The following LEO1 variants were observed in gnomAD, a reference collection of about 807,000 sequenced individuals.
LEO1 encodes the protein RNA polymerase-associated protein LEO1.
Under a neutral mutation model 80.4 loss-of-function variants are expected in LEO1, and 34 were observed. That is an observed-to-expected ratio of 0.42 (90% CI 0.32 to 0.56). The LOEUF (loss-of-function observed/expected upper bound fraction) is 0.56, where lower values mean the gene tolerates loss of function less well. Among genes scored for constraint, LEO1 ranks in the 20% least tolerant of loss-of-function variants. The probability of loss-of-function intolerance (pLI) is 0.10; values close to 1 mark genes in which losing one functional copy is unlikely to be tolerated. For missense variants in LEO1, 631 were observed against 814.2 expected (o/e 0.77, Z 2.74); for synonymous variants, 262 against 274.9 (o/e 0.95, Z 0.46).
At chr15:51,945,260 T>TAGAAAAAAAAA (rs1188931644) in intron 11 of LEO1, among the ~76,000 whole-genome samples, 1 of 18,118 alleles carries the variant, frequency 5.5e-5, no homozygotes, top group Non-Finnish European at 8.8e-5. Flanking sequence ...CTACAAAAAA[T>TAGAAAAAAAAA]ACAAAAAAAA....
chr15:51,946,251 G>A (rs191905085), intron 11 of LEO1, among the ~76,000 whole-genome samples: 25 of 152,108 alleles, frequency 1.6e-4, no homozygotes, highest in African/African-American at 2.4e-4. Context: ...GCACAATGGC[G>A]CGATCTCGGC....
At chr15:51,966,680 G>C (rs2057080691) in intron 1 of LEO1, among the ~76,000 whole-genome samples, 176 bp from the exon 2 acceptor site, 1 of 152,180 alleles carries the variant, frequency 6.6e-6, no homozygotes, top group African/African-American at 2.4e-5. Context: ...GGAAGCCGAG[G>C]CAGGCAGATC....
intron 10 of LEO1, among the ~76,000 whole-genome samples, chr15:51,949,394 C>T (rs560183456): frequency 3.3e-5 from 5 of 151,938 alleles, no homozygotes; most frequent in Non-Finnish European, 5.9e-5. Context: ...CATGACAACT[C>T]GTTCTTTAAA....
At chr15:51,971,300 C>T (rs571041797) in intron 1 of LEO1, among the ~76,000 whole-genome samples, 2 of 152,328 alleles carry the variant, frequency 1.3e-5, no homozygotes, top group South Asian at 4.1e-4. Flanking sequence ...CCCACCCCAT[C>T]CCATATTCCT....
At chr15:51,971,573 G>T in intron 1 of LEO1, 115 bp downstream of exon 1, 2 of 1,019,534 alleles carry the variant, frequency 2.0e-6, no homozygotes, top group Non-Finnish European at 3.1e-6. Flanking sequence ...GGGCGCTGAG[G>T]CAGGAGTGGA....
intron 6 of LEO1, among the ~76,000 whole-genome samples, chr15:51,956,151 C>T (rs2056987281): frequency 6.6e-6 from 1 of 152,136 alleles, no homozygotes; most frequent in Admixed American, 6.5e-5. Context: ...GGGTGCAGGG[C>T]TCACACCTGT....
intron 7 of LEO1, among the ~76,000 whole-genome samples, chr15:51,953,899 T>C (rs1038799318): frequency 3.3e-5 from 5 of 151,206 alleles, no homozygotes; most frequent in African/African-American, 1.2e-4. Context: ...AAGACCAGCC[T>C]AAGCAACATA....
intron 5 of LEO1, among the ~76,000 whole-genome samples, chr15:51,959,372 T>C (rs2057013094): frequency 6.6e-6 from 1 of 152,174 alleles, no homozygotes. Flanking sequence ...CAAGGGTAAA[T>C]ATTCAAAATA....
At chr15:51,960,201 A>T (rs2057019391) in intron 4 of LEO1, among the ~76,000 whole-genome samples, 157 bp from the exon 5 acceptor site, 1 of 152,186 alleles carries the variant, frequency 6.6e-6, no homozygotes, top group South Asian at 2.1e-4. Context: ...ACCTACACAC[A>T]AAATGGGAAA....
At position 51,968,290 on chromosome 15, in the gene LEO1, C is replaced by CT. The variant is rs1215565531; in HGVS notation, c.59-1787dup. Among the ~76,000 whole-genome samples the CT allele has an allele frequency of 3.3e-5, 5 of 152,272 alleles. No homozygotes were observed. In the East Asian group the frequency reaches 9.6e-4, roughly 29 times the overall value. ...GGGTGCGGTGGCTCATGCCTGTAAT[C>CT]TCAGCACTCTAGGAGCCCAAGGTGG... On this transcript the variant is annotated intron_variant, in intron 1 of 11. Coordinates refer to ENST00000299601, the MANE Select transcript of LEO1 (RefSeq NM_138792.4).
intron 10 of LEO1, among the ~76,000 whole-genome samples, chr15:51,948,566 A>C (rs1166167268): frequency 2.6e-5 from 4 of 152,162 alleles, no homozygotes; most frequent in African/African-American, 9.7e-5. Flanking sequence ...GAGAAAAATA[A>C]ATTTGGGTGT....
chr15:51,943,700 A>AC (rs2056875615), intron 11 of LEO1, among the ~76,000 whole-genome samples: 1 of 48,866 alleles, frequency 2.0e-5, no homozygotes, highest in Admixed American at 2.8e-4. Context: ...ACCCTGTCTC[A>AC]AAAAAAAAAA....
At chr15:51,950,344 A>G (rs2056939311) in intron 9 of LEO1, among the ~76,000 whole-genome samples, 2 of 151,704 alleles carry the variant, frequency 1.3e-5, no homozygotes, top group Admixed American at 1.3e-4. Flanking sequence ...ACCTAAATTG[A>G]CTCCCTGGAG....
intron 9 of LEO1, among the ~76,000 whole-genome samples, chr15:51,950,461 C>T (rs979565057): frequency 2.0e-5 from 3 of 152,192 alleles, no homozygotes; most frequent in Admixed American, 2.0e-4. Context: ...CCCTCAGCCC[C>T]TCAACCCAGA....
chr15:51,951,728 T>C (rs937026359), intron 9 of LEO1, 116 bp downstream of exon 9: 1 of 844,294 alleles, frequency 1.2e-6, no homozygotes. Context: ...TCCCTATTCA[T>C]GTCAGTTGGA....
chr15:51,948,210 C>T (rs549008041), intron 10 of LEO1, among the ~76,000 whole-genome samples: 1 of 152,300 alleles, frequency 6.6e-6, no homozygotes, highest in Admixed American at 6.5e-5. Flanking sequence ...CCCCTCCCGT[C>T]AAAACCCAAA....
chr15:51,946,366 T>C (rs758520263), intron 11 of LEO1, among the ~76,000 whole-genome samples: 5 of 151,902 alleles, frequency 3.3e-5, no homozygotes, highest in Non-Finnish European at 7.4e-5. Flanking sequence ...CCCTGCTAAT[T>C]TGTATTTTTA....
chr15:51,943,779 A>T (rs1000662181), intron 11 of LEO1, among the ~76,000 whole-genome samples: 7 of 48,980 alleles, frequency 1.4e-4, no homozygotes, highest in African/African-American at 3.5e-4. Context: ...AGAAGTGATT[A>T]AAAAAAAAAA....
chr15:51,958,531 G>A (rs2057006595), intron 6 of LEO1, among the ~76,000 whole-genome samples: 1 of 152,120 alleles, frequency 6.6e-6, no homozygotes, highest in Non-Finnish European at 1.5e-5. Flanking sequence ...TTGATAGCGT[G>A]ACCAGATGGT....
Sources: allele counts gnomAD v4.1 joint callset (sites outside exome capture counted in the v4.1 genomes callset), GRCh38; gene constraint gnomAD v4.1.1; transcripts MANE v1.5; gene names NCBI Gene and HGNC (gene_info 2026-07-23, HGNC 2026-07-21).